Variants in UBAP2 observed in about 807,000 individuals in gnomAD.
UBAP2 encodes ubiquitin-associated protein 2.
Under a neutral mutation model 139.6 loss-of-function variants are expected in UBAP2, and 75 were observed. That is an observed-to-expected ratio of 0.54 (90% CI 0.45 to 0.65). The LOEUF (loss-of-function observed/expected upper bound fraction) is 0.65. UBAP2 is among the 30% of genes least tolerant of loss of function. The probability of loss-of-function intolerance (pLI) is 0.00; values close to 1 mark genes in which losing one functional copy is unlikely to be tolerated. For synonymous variants in UBAP2, 526 were observed against 526.2 expected (o/e 1.00, Z 0.01); for missense variants, 1,368 against 1,369.6 (o/e 1.00, Z 0.02).
chr9:33,949,056 A>T, intron 12 of UBAP2: 1 of 157,382 alleles, frequency 6.4e-6, no homozygotes, highest in Non-Finnish European at 1.4e-5. Context: ...AGTCCCAGCT[A>T]CTCGGGAGAC....
chr9:33,933,649 G>A (rs1280882390), intron 17 of UBAP2, 21 bp from the exon 18 acceptor site: 7 of 1,612,504 alleles, frequency 4.3e-6, no homozygotes, highest in Non-Finnish European at 5.9e-6. Context: ...TGAAGTAGCT[G>A]TAAGAAGCAG....
At chr9:33,935,973 A>T (rs931505671) in intron 16 of UBAP2, 95 bp from the exon 17 acceptor site, 6 of 1,105,960 alleles carry the variant, frequency 5.4e-6, no homozygotes, top group Non-Finnish European at 7.9e-6. Context: ...AGCTTAATCA[A>T]GAAACAATTA....
chr9:34,009,556 C>T (rs937669955), intron 2 of UBAP2, among the ~76,000 whole-genome samples: 2 of 151,868 alleles, frequency 1.3e-5, no homozygotes, highest in Non-Finnish European at 2.9e-5. Flanking sequence ...CACCATGTCC[C>T]GGTTCAAAAT....
intron 2 of UBAP2, among the ~76,000 whole-genome samples, chr9:34,008,883 T>TG (rs1485967380): frequency 1.4e-5 from 2 of 142,630 alleles, no homozygotes; most frequent in Non-Finnish European, 3.0e-5. Context: ...GAGAATGGCT[T>TG]GAACCCACAA....
intron 1 of UBAP2, among the ~76,000 whole-genome samples, chr9:34,040,347 A>C (rs1206690446): frequency 7.0e-6 from 1 of 142,468 alleles, no homozygotes; most frequent in Non-Finnish European, 1.5e-5. Context: ...AAAAAAAAAA[A>C]GGGACAGAAA....
chr9:33,936,314 A>G (rs545201352), intron 16 of UBAP2, among the ~76,000 whole-genome samples: 2 of 152,138 alleles, frequency 1.3e-5, no homozygotes, highest in Admixed American at 1.3e-4. Flanking sequence ...TAACTTTTTG[A>G]GATGGTGTCT....
At chr9:34,044,402 A>G (rs572998791) in intron 1 of UBAP2, among the ~76,000 whole-genome samples, 34 of 139,226 alleles carry the variant, frequency 2.4e-4, no homozygotes, top group East Asian at 4.0e-4. Flanking sequence ...CTCTGTCTCG[A>G]AAAAAAAAAA....
Position 33,969,443 on chromosome 9 carries a change from T to C in UBAP2, c.679+2208A>G, listed in dbSNP as rs561689679. On this transcript the variant is annotated intron_variant, in intron 8 of 28. Coordinates refer to ENST00000379238, the MANE Select transcript of UBAP2 (RefSeq NM_001370062.2). Reference sequence around the variant, plus strand: ...GTGCCATAGTTCCAGCAGTAAGTACTAGGGAGATTAAGGTGGGATGGCTTG... The same window carrying C: ...GTGCCATAGTTCCAGCAGTAAGTACCAGGGAGATTAAGGTGGGATGGCTTG... 2.0e-5 allele frequency among the ~76,000 whole-genome samples: 3 copies of C among 151,760 alleles called. No individual in the cohort carries two copies. In the East Asian group the frequency reaches 5.8e-4, roughly 29 times the overall value.
intron 2 of UBAP2, among the ~76,000 whole-genome samples, chr9:34,001,674 A>C (rs1314679962): frequency 6.6e-6 from 1 of 152,194 alleles, no homozygotes; most frequent in Non-Finnish European, 1.5e-5. Flanking sequence ...TCACAAAATG[A>C]AAGTAGACTG....
At chr9:34,009,564 A>C (rs1823563465) in intron 2 of UBAP2, among the ~76,000 whole-genome samples, 1 of 151,952 alleles carries the variant, frequency 6.6e-6, no homozygotes, top group South Asian at 2.1e-4. Context: ...CCCGGTTCAA[A>C]ATGTTTTTTT....
At chr9:33,953,059 G>T (rs1223778782) in intron 12 of UBAP2, among the ~76,000 whole-genome samples, 1 of 152,014 alleles carries the variant, frequency 6.6e-6, no homozygotes, top group East Asian at 1.9e-4. Context: ...TGCTTTTTTC[G>T]TAGAGACAGA....
chr9:34,008,838 G>A (rs772650454), intron 2 of UBAP2, among the ~76,000 whole-genome samples: 8 of 151,242 alleles, frequency 5.3e-5, no homozygotes, highest in Non-Finnish European at 1.2e-4. Context: ...AGTGGTGTGC[G>A]CCTGTAGTCC....
upstream of UBAP2, chr9:34,048,995 G>A (rs1215648437): frequency 6.6e-6 from 1 of 152,270 alleles, no homozygotes; most frequent in Non-Finnish European, 1.5e-5. Flanking sequence ...CGGCTTCAGA[G>A]TCAGCCTAGG....
intron 1 of UBAP2, among the ~76,000 whole-genome samples, chr9:34,032,223 C>T (rs915177805): frequency 1.3e-5 from 2 of 152,174 alleles, no homozygotes; most frequent in Non-Finnish European, 2.9e-5. Context: ...ACGGCTCTCT[C>T]GCCAACCATG....
intron 6 of UBAP2, among the ~76,000 whole-genome samples, chr9:33,975,480 C>T (rs1415334402): frequency 2.0e-5 from 3 of 148,096 alleles, no homozygotes; most frequent in African/African-American, 7.5e-5. Context: ...AGATGTGGAG[C>T]ACACCATTGT....
At chr9:33,996,168 G>T in intron 4 of UBAP2, 55 bp downstream of exon 4, 1 of 1,350,880 alleles carries the variant, frequency 7.4e-7, no homozygotes, top group South Asian at 1.2e-5. Flanking sequence ...AGTTGAAAAT[G>T]TGCTACGGAA....
At position 34,028,985 on chromosome 9, in the gene UBAP2, G is replaced by A. The variant is rs555672079; in HGVS notation, c.-41-11796C>T. ...TTTTTAATTAGCCACGCTTGGTGGC[G>A]CACACCTGGAATCCCACCCATTCAG... On this transcript the variant is annotated intron_variant, in intron 1 of 28. Coordinates refer to ENST00000379238, the MANE Select transcript of UBAP2 (RefSeq NM_001370062.2). Among the ~76,000 whole-genome samples the A allele has an allele frequency of 5.9e-5, 9 of 152,040 alleles. No homozygotes were observed. The East Asian group carries it at 7.8e-4, about 13-fold the overall frequency.
In UBAP2 at chr9:33,939,926, GAGAAGGAAGA is replaced by G. The variant is rs1410806288; in HGVS notation, c.1929+1713_1929+1722del. ...AGGAGGATGGGGAGGAGAAGAAGAG[GAGAAGGAAGA>G]AGAAGAAAGAGGGAAGGAAGGAAGA... is the stretch of plus-strand genomic sequence containing the variant. On this transcript the variant is annotated intron_variant, in intron 16 of 28. Transcript: ENST00000379238. Among the ~76,000 whole-genome samples the G allele has an allele frequency of 4.7e-4, 40 of 85,626 alleles. 1 individual carries two copies. The highest frequency in any genetic ancestry group is 1.7e-3 in the African/African-American group (35 of 20,708). The allele number at this position is 85,626 out of a possible 152,430, so 56.2% of individuals were successfully genotyped here. A position where few individuals can be genotyped will look rare whatever the true frequency, so the allele number is the denominator to read the frequency against.
chr9:33,940,515 C>T (rs561919601), intron 16 of UBAP2, among the ~76,000 whole-genome samples: 5 of 152,066 alleles, frequency 3.3e-5, no homozygotes, highest in Non-Finnish European at 7.4e-5. Flanking sequence ...AGTGGCTCAC[C>T]CTATAATCCC....
Sources: gnomAD v4.1 joint callset for allele counts (sites outside exome capture counted in the v4.1 genomes callset) on GRCh38, gnomAD v4.1.1 for gene constraint, MANE v1.5 for transcripts, NCBI Gene and HGNC (gene_info 2026-07-23, HGNC 2026-07-21) for gene names.